FAM185A: variants seen among roughly 807,000 people sequenced by gnomAD.
The protein encoded by FAM185A is family with sequence similarity 185 member A, also known as protein FAM185A.
FAM185A carries 21 observed loss-of-function variants against 45.7 expected under a neutral mutation model. The ratio of observed to expected loss-of-function variants is 0.46; its 90% confidence interval spans 0.33 to 0.66. The LOEUF is 0.66. Ranked by LOEUF, FAM185A falls within the 30% of genes least tolerant of loss-of-function variation. The pLI is 0.03. For synonymous variants in FAM185A, 117 were observed against 194.0 expected, an observed-to-expected ratio of 0.60 and a Z score of 3.30; for missense variants, 305 against 485.4, an observed-to-expected ratio of 0.63 and a Z score of 3.49.
Position 102,761,351 on chromosome 7 carries a change from T to C in FAM185A, c.733T>C (p.Tyr245His), listed in dbSNP as rs1234570358. The C allele has an allele frequency of 1.3e-6, 2 of 1,545,742 alleles. No homozygotes were observed. The highest frequency in any genetic ancestry group is 8.7e-7 in the Non-Finnish European group (1 of 1,144,716). The change falls in exon 4 of 8, where the codon TAT becomes CAT. Residue 245 changes from tyrosine to histidine, a missense_variant. By Grantham distance (83) the Tyr-to-His change is moderately conservative. Around this residue, in one of 5 missense-constraint regions of FAM185A, gnomAD observed 44 missense variants for 66.8 expected, o/e 0.66. Transcript: ENST00000413034. ...EDGLLKAKYL[Y>H]TESSFLSSAA... Reference sequence around the variant, plus strand: ...TGGTTTGCTGAAAGCCAAGTATCTTTATACAGAATCATCATTTCTGTCTTC... The same window carrying C: ...TGGTTTGCTGAAAGCCAAGTATCTTCATACAGAATCATCATTTCTGTCTTC...
At chr7:102,797,962 C>T (rs1276950506) in intron 7 of FAM185A, among the ~76,000 whole-genome samples, 2 of 152,184 alleles carry the variant, frequency 1.3e-5, no homozygotes, top group Admixed American at 6.5e-5. Context: ...CAAGTTACTT[C>T]CTGGAGCCCT....
chr7:102,831,504 A>T, the FAM185A span, among the ~76,000 whole-genome samples: 1 of 152,012 alleles, frequency 6.6e-6, no homozygotes, highest in African/African-American at 2.4e-5. Context: ...TTAGGAAATA[A>T]ATCTCCAGGC....
chr7:102,783,190 CAAT>C (rs1195544034), intron 6 of FAM185A, among the ~76,000 whole-genome samples: 3 of 151,310 alleles, frequency 2.0e-5, no homozygotes, highest in Admixed American at 2.0e-4. Flanking sequence ...GACTCCCACA[CAAT>C]AATAATGGGA....
chr7:102,780,839 G>A (rs1795358844), intron 6 of FAM185A, among the ~76,000 whole-genome samples: 1 of 152,212 alleles, frequency 6.6e-6, no homozygotes, highest in African/African-American at 2.4e-5. Context: ...AGCGCACCGA[G>A]CGTGAGCCAA....
the FAM185A span, among the ~76,000 whole-genome samples, chr7:102,844,942 A>G: frequency 7.2e-5 from 11 of 152,356 alleles, no homozygotes; most frequent in South Asian, 1.4e-3. Context: ...ACCAATGAAC[A>G]GCCAGATGAA....
intron 6 of FAM185A, chr7:102,779,853 T>G (rs1327487644): frequency 2.0e-5 from 1 of 49,646 alleles, no homozygotes; most frequent in African/African-American, 2.2e-4. Flanking sequence ...CACCCAGCTT[T>G]TTTTTTTTTT....
Position 102,751,812 on chromosome 7 carries a change from T to C in FAM185A, c.561+11T>C, listed in dbSNP as rs774356181. 6.7e-7 allele frequency: 1 copy of C among 1,482,894 alleles called. No homozygotes were observed. 91.9% of individuals were successfully genotyped at this position (1,482,894 alleles called of 1,614,324 possible). ...TTGCAGTCTGTTAAGGTATAGCATT[T>C]TTCTAATTTTATTTCACTATTATTT... On this transcript the variant is annotated intron_variant, in intron 2 of 7. Coordinates refer to ENST00000413034, the MANE Select transcript of FAM185A (RefSeq NM_001145268.2).
At chr7:102,822,379 G>T in the FAM185A span, 3 of 717,404 alleles carry the variant, frequency 4.2e-6, no homozygotes, top group South Asian at 4.5e-5. Flanking sequence ...AAAGATAGAG[G>T]TACCTGCAAT....
At chr7:102,776,281 T>C (rs531652376) in intron 5 of FAM185A, among the ~76,000 whole-genome samples, 35 of 151,598 alleles carry the variant, frequency 2.3e-4, no homozygotes, top group Non-Finnish European at 4.0e-4. Flanking sequence ...GGCAGTCAGA[T>C]AGAATATTAA....
the FAM185A span, among the ~76,000 whole-genome samples, chr7:102,829,485 T>C: frequency 6.6e-6 from 1 of 152,192 alleles, no homozygotes; most frequent in East Asian, 1.9e-4. Flanking sequence ...CTTTAATTTT[T>C]CTCATTTCCC....
the FAM185A span, among the ~76,000 whole-genome samples, chr7:102,830,536 C>T: frequency 6.6e-6 from 1 of 152,166 alleles, no homozygotes; most frequent in South Asian, 2.1e-4. Context: ...ATCTGGTTCC[C>T]CTAGTTCTAA....
At chr7:102,766,146 G>A (rs1794382081) in intron 4 of FAM185A, among the ~76,000 whole-genome samples, 1 of 152,286 alleles carries the variant, frequency 6.6e-6, no homozygotes, top group African/African-American at 2.4e-5. Context: ...TATAACCCAT[G>A]ATTTAAACAA....
At chr7:102,757,487 ATAAC>A (rs746753539) in intron 2 of FAM185A, among the ~76,000 whole-genome samples, 2 of 152,204 alleles carry the variant, frequency 1.3e-5, no homozygotes, top group Non-Finnish European at 2.9e-5. Context: ...CAAATAAGTG[ATAAC>A]TATTATTGTT....
At chr7:102,769,597 A>G (rs1794627640) in intron 4 of FAM185A, among the ~76,000 whole-genome samples, 1 of 151,916 alleles carries the variant, frequency 6.6e-6, no homozygotes, top group Non-Finnish European at 1.5e-5. Context: ...GGACCTGTCT[A>G]TCTTTTATTG....
rs1181023347 is a variant in FAM185A, at chr7:102,755,141, C to G, written c.562-2713C>G. 3 of 377,612 alleles carry G rather than the reference C, an allele frequency of 7.9e-6. No individual in the cohort carries two copies. The East Asian group carries it at 1.3e-4, about 17-fold the overall frequency. The allele number at this position is 377,612 out of a possible 1,614,324, so 23.4% of individuals were successfully genotyped here. A position where few individuals can be genotyped will look rare whatever the true frequency, so the allele number is the denominator to read the frequency against. On this transcript the variant is annotated intron_variant, in intron 2 of 7. Transcript: ENST00000413034. ...ACAACAAGTGTGCGCCTCCCGTCGC[C>G]CAAGATGCCGAAAGGAAAGGAGGCC...
chr7:102,801,654 G>A (rs541668112), intron 7 of FAM185A, among the ~76,000 whole-genome samples: 2 of 152,364 alleles, frequency 1.3e-5, no homozygotes, highest in African/African-American at 2.4e-5. Flanking sequence ...GCCAGGTGCA[G>A]TGGCTCATGC....
At chr7:102,811,364 T>G (rs1797425761), downstream of FAM185A, among the ~76,000 whole-genome samples, 1 of 152,232 alleles carries the variant, frequency 6.6e-6, no homozygotes, top group East Asian at 1.9e-4. Flanking sequence ...ATCTTTGATA[T>G]TTTGAGTAGT....
chr7:102,788,358 A>C (rs1293689404), intron 7 of FAM185A, among the ~76,000 whole-genome samples: 1 of 152,170 alleles, frequency 6.6e-6, no homozygotes, highest in Non-Finnish European at 1.5e-5. Context: ...GGACATTGCA[A>C]TTAGACCGTG....
chr7:102,814,785 T>C, the FAM185A span, among the ~76,000 whole-genome samples: 3 of 152,240 alleles, frequency 2.0e-5, no homozygotes, highest in African/African-American at 7.2e-5. Context: ...GTAAGTTTAT[T>C]GTCAAAGATA....
Sources: allele counts gnomAD v4.1 joint callset (sites outside exome capture counted in the v4.1 genomes callset), GRCh38; gene constraint gnomAD v4.1.1; regional missense constraint gnomAD v4.1.1; transcripts MANE v1.5; gene names NCBI Gene and HGNC (gene_info 2026-07-23, HGNC 2026-07-21).